TNPO1: variants seen among roughly 807,000 people sequenced by gnomAD.
TNPO1 encodes the protein transportin-1.
In TNPO1, 8 loss-of-function variants were observed where a neutral mutation model predicts 119.5. The ratio of observed to expected loss-of-function variants is 0.07; its 90% CI spans 0.04 to 0.12. The LOEUF is 0.12. TNPO1 is among the 10% of genes least tolerant of loss of function. The pLI, the probability that TNPO1 is intolerant of heterozygous loss-of-function variation, is 1.00. For missense variants in TNPO1, 576 were observed against 1,089.8 expected, an observed-to-expected ratio of 0.53 and a Z score of 6.64; for synonymous variants, 362 against 363.0, an observed-to-expected ratio of 1.00 and a Z score of 0.03.
At chr5:72,857,569 G>A (rs1389420284) in intron 4 of TNPO1, among the ~76,000 whole-genome samples, 1 of 152,216 alleles carries the variant, frequency 6.6e-6, no homozygotes, top group South Asian at 2.1e-4. Context: ...AGAATGGTGA[G>A]CGTGTGCCAG....
intron 2 of TNPO1, among the ~76,000 whole-genome samples, chr5:72,849,339 A>T (rs778110905): frequency 8.3e-4 from 127 of 152,334 alleles, no homozygotes; most frequent in Non-Finnish European, 1.7e-3. Flanking sequence ...TACTGGATGC[A>T]GTAAAGGAAA....
intron 18 of TNPO1, among the ~76,000 whole-genome samples, chr5:72,895,650 T>C (rs1749375322): frequency 1.3e-5 from 2 of 152,228 alleles, no homozygotes; most frequent in South Asian, 4.1e-4. Context: ...GTTTAAAAAA[T>C]TATGATATTC....
At chr5:72,899,580 T>C (rs908427559) in intron 20 of TNPO1, among the ~76,000 whole-genome samples, 2 of 152,160 alleles carry the variant, frequency 1.3e-5, no homozygotes, top group African/African-American at 4.8e-5. Context: ...TTTACTGATA[T>C]TTTCTCATGA....
intron 8 of TNPO1, 36 bp downstream of exon 8, chr5:72,875,773 T>C: frequency 6.3e-7 from 1 of 1,581,792 alleles, no homozygotes. Flanking sequence ...TTCATCATCT[T>C]TCCCCTAAGA....
intron 1 of TNPO1, among the ~76,000 whole-genome samples, chr5:72,822,323 C>CT (rs11458903): frequency 0.49 from 72,885 of 147,652 alleles, 18,467 homozygotes; most frequent in Admixed American, 0.61. Context: ...AAAGCAGTGA[C>CT]TTTTTTTTTT....
At chr5:72,852,606 A>G (rs761150078) in intron 3 of TNPO1, among the ~76,000 whole-genome samples, 1 of 152,248 alleles carries the variant, frequency 6.6e-6, no homozygotes, top group Non-Finnish European at 1.5e-5. Flanking sequence ...GAATTGGGAA[A>G]TAACAAGGTT....
intron 6 of TNPO1, among the ~76,000 whole-genome samples, chr5:72,866,533 C>T (rs1401677749): frequency 2.0e-5 from 3 of 152,054 alleles, no homozygotes; most frequent in African/African-American, 4.8e-5. Flanking sequence ...GTGGGTGGAT[C>T]GCTTGAGCTC....
intron 20 of TNPO1, 98 bp downstream of exon 20, chr5:72,897,249 G>A (rs1227082028): frequency 1.4e-5 from 11 of 772,216 alleles, no homozygotes; most frequent in South Asian, 2.1e-5. Flanking sequence ...TTTTAAAATC[G>A]AGCTTATTTT....
rs564909566 is a variant in TNPO1 at position 72,858,836 on chromosome 5, CA to C, written c.355+2925del. 8.3e-3 allele frequency among the ~76,000 whole-genome samples: 1,018 copies of C among 121,926 alleles called. 5 individuals carry two copies. The highest frequency in any genetic ancestry group is 0.023 in the African/African-American group (780 of 33,278). The allele number at this position is 121,926 out of a possible 152,430, so 80.0% of individuals were successfully genotyped here. ...TGGATGACAGAGTGAGACTCCGTCT[CA>C]AAAAAAAAAAAGACTCTAAAGTATT... On this transcript the variant is annotated intron_variant, in intron 4 of 24. Transcript: ENST00000337273.
At chr5:72,819,210 G>T (rs771318060) in intron 1 of TNPO1, among the ~76,000 whole-genome samples, 3 of 152,160 alleles carry the variant, frequency 2.0e-5, no homozygotes, top group Non-Finnish European at 4.4e-5. Context: ...CAGGCAAAGA[G>T]GGGGAAATCT....
intron 1 of TNPO1, among the ~76,000 whole-genome samples, chr5:72,824,262 A>G (rs1744108848): frequency 6.6e-6 from 1 of 152,040 alleles, no homozygotes; most frequent in Non-Finnish European, 1.5e-5. Flanking sequence ...ATATGCTATT[A>G]TTTCTCCCCT....
At chr5:72,839,538 C>T (rs1744823642) in intron 1 of TNPO1, among the ~76,000 whole-genome samples, 1 of 152,076 alleles carries the variant, frequency 6.6e-6, no homozygotes, top group South Asian at 2.1e-4. Flanking sequence ...ACTTACTAGT[C>T]CTTACTAAGA....
chr5:72,870,654 G>A (rs770283044), intron 6 of TNPO1, among the ~76,000 whole-genome samples: 6 of 152,060 alleles, frequency 3.9e-5, no homozygotes, highest in Admixed American at 6.6e-5. Context: ...AAGAAAGCAC[G>A]TCACACTGTT....
Position 72,875,699 on chromosome 5 carries a change from A to G in TNPO1, c.763A>G (p.Met255Val), listed in dbSNP as rs779201347. The G allele has an allele frequency of 1.2e-6, 2 of 1,613,460 alleles. No individual in the cohort carries two copies. The highest frequency in any genetic ancestry group is 1.7e-6 in the Non-Finnish European group (2 of 1,179,502). The change falls in exon 8 of 25, where the codon ATG (methionine) becomes GTG (valine). Residue 255 changes from methionine (M) to valine (V), a missense_variant. Met to Val is a conservative substitution (Grantham distance 21). Around this residue, in one of 6 missense-constraint regions of TNPO1, gnomAD observed 310 missense variants for 583.0 expected, o/e 0.53. Transcript: ENST00000337273. The stretch of plus-strand genomic sequence containing the variant: ...ACTTGTGATGTTGCTCGAAGTTCGA[A>G]TGGATCGCCTGCTTCCTCACATGCA... ...RALVMLLEVR[M>V]DRLLPHMHNI... is the part of the protein sequence containing the mutation.
At chr5:72,841,880 TA>T (rs973619164) in intron 1 of TNPO1, among the ~76,000 whole-genome samples, 118 of 143,238 alleles carry the variant, frequency 8.2e-4, no homozygotes, top group Middle Eastern at 3.6e-3. Context: ...CATTTTTCTG[TA>T]AAAAAAAAAA....
At chr5:72,876,002 T>A (rs1241467775) in intron 8 of TNPO1, among the ~76,000 whole-genome samples, 1 of 152,156 alleles carries the variant, frequency 6.6e-6, no homozygotes, top group African/African-American at 2.4e-5. Flanking sequence ...AGGATCTTTT[T>A]TAAAGGTTGC....
At chr5:72,907,083 TG>T (rs569536778) in intron 24 of TNPO1, among the ~76,000 whole-genome samples, 157 of 152,270 alleles carry the variant, frequency 1.0e-3, no homozygotes, top group Non-Finnish European at 1.9e-3. Context: ...GTAGTAGAAA[TG>T]GACTCAAAGC....
chr5:72,868,697 T>C (rs944245741), intron 6 of TNPO1, among the ~76,000 whole-genome samples: 5 of 152,046 alleles, frequency 3.3e-5, no homozygotes, highest in Admixed American at 1.3e-4. Flanking sequence ...AATTCTGATA[T>C]ATCTTAGAGC....
chr5:72,823,464 T>C (rs1744069989), intron 1 of TNPO1, among the ~76,000 whole-genome samples: 3 of 152,164 alleles, frequency 2.0e-5, no homozygotes, highest in Non-Finnish European at 4.4e-5. Context: ...AGTCCCTCCA[T>C]AGTTGCCATT....
Sources: allele counts gnomAD v4.1 joint callset (sites outside exome capture counted in the v4.1 genomes callset), GRCh38; gene constraint gnomAD v4.1.1; regional missense constraint gnomAD v4.1.1; transcripts MANE v1.5; gene names NCBI Gene and HGNC (gene_info 2026-07-23, HGNC 2026-07-21).